DOCK10: variants seen among roughly 807,000 people sequenced by gnomAD.
DOCK10 encodes the protein dedicator of cytokinesis protein 10.
DOCK10 carries 145 observed loss-of-function variants against 280.1 expected under a neutral mutation model. The ratio of observed to expected loss-of-function variants is 0.52; its 90% CI spans 0.45 to 0.59. DOCK10 has a LOEUF of 0.59. DOCK10 is among the 20% of genes least tolerant of loss of function. The pLI, the probability that DOCK10 is intolerant of heterozygous loss-of-function variation, is 0.00. For missense variants in DOCK10, 2,368 were observed against 2,651.7 expected (o/e 0.89, Z 2.35); for synonymous variants, 915 against 942.2 (o/e 0.97, Z 0.53).
intron 31 of DOCK10, 139 bp downstream of exon 31, chr2:224,814,177 TTCAG>T (rs2125278487): frequency 2.3e-6 from 1 of 434,224 alleles, no homozygotes; most frequent in African/African-American, 2.0e-5. Flanking sequence ...AAGCAAACAA[TTCAG>T]TCAACTTTTT....
chr2:224,851,366 T>C (rs1216258183), intron 18 of DOCK10, among the ~76,000 whole-genome samples: 2 of 151,978 alleles, frequency 1.3e-5, no homozygotes, highest in South Asian at 2.1e-4. Context: ...ACAATTATAT[T>C]TCACTTGAAT....
intron 1 of DOCK10, among the ~76,000 whole-genome samples, chr2:224,977,843 C>T (rs1705526871): frequency 6.6e-6 from 1 of 152,200 alleles, no homozygotes; most frequent in African/African-American, 2.4e-5. Flanking sequence ...CAAATCTTAT[C>T]TCTGCACAAA....
chr2:224,775,412 G>A (rs1271823196), intron 51 of DOCK10, among the ~76,000 whole-genome samples: 1 of 152,064 alleles, frequency 6.6e-6, no homozygotes, highest in East Asian at 1.9e-4. Flanking sequence ...TCTCTTCTCT[G>A]TAATGAATGT....
intron 1 of DOCK10, among the ~76,000 whole-genome samples, chr2:224,957,135 G>A (rs1407052834): frequency 6.6e-6 from 1 of 152,092 alleles, no homozygotes; most frequent in Non-Finnish European, 1.5e-5. Context: ...CTCTACCCAT[G>A]GATACCAGTA....
At chr2:224,906,640 A>G (rs545113638) in intron 3 of DOCK10, among the ~76,000 whole-genome samples, 6 of 152,166 alleles carry the variant, frequency 3.9e-5, no homozygotes, top group South Asian at 2.1e-4. Context: ...CACCATGCCC[A>G]GCTAATTATT....
chr2:224,874,077 C>T lies in DOCK10; in HGVS notation c.1176G>A (p.Lys392=). 6.2e-7 allele frequency: 1 copy of T among 1,613,116 alleles called. No individual in the cohort carries two copies. The highest frequency in any genetic ancestry group is 1.1e-5 in the South Asian group (1 of 90,828). ...VIKPFEEKAA[K]RIMIICKALN... ...GGGCTTTACAGATGATCATGATTCTCTTGGCAGCTTTTTCTTCAAATGGTT... is the reference window on the plus strand; with the variant it reads ...GGGCTTTACAGATGATCATGATTCTTTTGGCAGCTTTTTCTTCAAATGGTT... Residue 392 remains lysine, a synonymous_variant, in exon 11 of 56, where the codon AAG becomes AAA. Coordinates refer to ENST00000258390, the MANE Select transcript of DOCK10 (RefSeq NM_014689.3).
At chr2:224,993,407 GA>G (rs1224850561) in intron 1 of DOCK10, among the ~76,000 whole-genome samples, 9 of 152,100 alleles carry the variant, frequency 5.9e-5, no homozygotes, top group Admixed American at 5.9e-4. Flanking sequence ...GATATATTGG[GA>G]AAACCCAGTG....
At chr2:224,999,250 C>CTT (rs111619305) in intron 1 of DOCK10, among the ~76,000 whole-genome samples, 7 of 117,432 alleles carry the variant, frequency 6.0e-5, no homozygotes, top group African/African-American at 2.4e-4. Flanking sequence ...GTCTCTCTCT[C>CTT]TTTTTTTTTT....
chr2:224,834,260 C>T lies in DOCK10; in HGVS notation c.2854G>A (p.Val952Met), dbSNP rs779493231. The change falls in exon 26 of 56, where the codon GTG becomes ATG. Residue 952 changes from valine to methionine, a missense_variant. Val to Met is a conservative substitution (Grantham distance 21). Transcript: ENST00000258390. ...DHSVQSYIKF[V>M]FKTRACKERT... ...TCCTTGCATGCCCTGGTCTTGAACACGAACTGAAGAAAATCCAAAAAGTGA... is the reference window on the plus strand; with the variant it reads ...TCCTTGCATGCCCTGGTCTTGAACATGAACTGAAGAAAATCCAAAAAGTGA... The T allele has an allele frequency of 1.3e-5, 21 of 1,583,714 alleles. No individual in the cohort carries two copies. Among genetic ancestry groups the T allele is most frequent in the South Asian group, 1.0e-4 (9 of 89,308 alleles).
chr2:224,904,180 A>C (rs1334463467), intron 3 of DOCK10, among the ~76,000 whole-genome samples: 3 of 152,164 alleles, frequency 2.0e-5, no homozygotes, highest in Non-Finnish European at 2.9e-5. Context: ...TTTCCATTAC[A>C]TTTTTAAAGT....
At chr2:225,036,720 A>G (rs1046630677) in intron 1 of DOCK10, among the ~76,000 whole-genome samples, 11 of 152,212 alleles carry the variant, frequency 7.2e-5, no homozygotes, top group African/African-American at 2.7e-4. Flanking sequence ...TTAATGCTGA[A>G]TATGTCTAGA....
At chr2:224,870,604 G>A (rs1698207153) in intron 11 of DOCK10, among the ~76,000 whole-genome samples, 1 of 152,006 alleles carries the variant, frequency 6.6e-6, no homozygotes, top group South Asian at 2.1e-4. Flanking sequence ...TTGGTTTCAT[G>A]ATACAGTATT....
In DOCK10 at chr2:224,803,886, T is replaced by C. The variant is rs149592982; in HGVS notation, c.4268+226A>G. On this transcript the variant is annotated intron_variant, in intron 39 of 55. Coordinates refer to ENST00000258390, the MANE Select transcript of DOCK10 (RefSeq NM_014689.3). ...GCACACATATATGGTGTACTCCTTA[T>C]CTCTTTGGTCTCTACCAGCTAGTAG... 5.1e-3 allele frequency among the ~76,000 whole-genome samples: 781 copies of C among 152,204 alleles called. 8 individuals are homozygous for C. The highest frequency in any genetic ancestry group is 0.018 in the African/African-American group (729 of 41,538).
rs574746539 is a variant in DOCK10, at chr2:224,907,470, G to A, written c.333+9225C>T. ...TGGGAGGCTGAGGCGGGCAGATCACGAGGTCAGGAGATCAAGACCATCCTG... is the reference window on the plus strand; with the variant it reads ...TGGGAGGCTGAGGCGGGCAGATCACAAGGTCAGGAGATCAAGACCATCCTG... On this transcript the variant is annotated intron_variant, in intron 3 of 55. Coordinates refer to ENST00000258390, the MANE Select transcript of DOCK10 (RefSeq NM_014689.3). 1.8e-3 allele frequency among the ~76,000 whole-genome samples: 271 copies of A among 152,164 alleles called. 1 individual carries two copies. The highest frequency in any genetic ancestry group is 6.4e-3 in the African/African-American group (264 of 41,520).
chr2:224,947,548 G>A (rs1391758991), intron 1 of DOCK10, among the ~76,000 whole-genome samples: 1 of 152,198 alleles, frequency 6.6e-6, no homozygotes, highest in African/African-American at 2.4e-5. Context: ...AAGAAATTAT[G>A]CTTGACTATT....
At chr2:224,969,327 G>A (rs968644583) in intron 1 of DOCK10, among the ~76,000 whole-genome samples, 3 of 152,138 alleles carry the variant, frequency 2.0e-5, no homozygotes, top group Non-Finnish European at 4.4e-5. Context: ...CATCTGTAGC[G>A]AACATCTTCT....
At chr2:224,816,771 C>A in intron 29 of DOCK10, 58 bp from the exon 30 acceptor site, 1 of 963,138 alleles carries the variant, frequency 1.0e-6, no homozygotes, top group South Asian at 1.5e-5. Flanking sequence ...TGAATAAAAA[C>A]AAACAAACAA....
rs545084891 is a variant in DOCK10, at chr2:225,026,563, A to T, written c.123+15689T>A. 3.3e-5 allele frequency among the ~76,000 whole-genome samples: 5 copies of T among 152,308 alleles called. No individual in the cohort carries two copies. In the South Asian group the frequency reaches 1.0e-3, roughly 32 times the overall value. ...GAGTGGCCAGGGGTGGAAATAATTG[A>T]GCATGGTTTTAGTTTGAGATTTCCT... is the stretch of plus-strand genomic sequence containing the variant. On this transcript the variant is annotated intron_variant, in intron 1 of 55. Coordinates refer to ENST00000258390, the MANE Select transcript of DOCK10 (RefSeq NM_014689.3).
chr2:224,789,321 G>A (rs1175900547), intron 47 of DOCK10, among the ~76,000 whole-genome samples, 151 bp from the exon 48 acceptor site: 4 of 152,188 alleles, frequency 2.6e-5, no homozygotes, highest in Non-Finnish European at 4.4e-5. Context: ...TGATAAATGC[G>A]CTCTGCCAGG....
Sources: gnomAD v4.1 joint callset for allele counts (sites outside exome capture counted in the v4.1 genomes callset) on GRCh38, gnomAD v4.1.1 for gene constraint, MANE v1.5 for transcripts, NCBI Gene and HGNC (gene_info 2026-07-23, HGNC 2026-07-21) for gene names.